The following ZMPSTE24 variants were observed in gnomAD, a reference collection of about 807,000 sequenced individuals.
ZMPSTE24 encodes the protein CAAX prenyl protease 1 homolog.
ZMPSTE24 carries 48 observed loss-of-function variants against 56.7 expected under a neutral mutation model. The observed-to-expected ratio is 0.85, with a 90% CI of 0.67 to 1.08. The LOEUF (loss-of-function observed/expected upper bound fraction) is 1.08, where lower values mean the gene tolerates loss of function less well. ZMPSTE24 is among the 50% of genes least tolerant of loss of function. The probability of loss-of-function intolerance (pLI) is 0.00; values close to 1 mark genes in which losing one functional copy is unlikely to be tolerated. For missense variants in ZMPSTE24, 503 were observed against 548.7 expected (o/e 0.92, Z 0.83); for synonymous variants, 172 against 195.2 (o/e 0.88, Z 0.99).
chr1:40,272,398 G>A (rs1643622556), intron 6 of ZMPSTE24, among the ~76,000 whole-genome samples: 1 of 152,138 alleles, frequency 6.6e-6, no homozygotes, highest in Admixed American at 6.6e-5. Flanking sequence ...AGGTAGTTAA[G>A]TTGGACTCTT....
intron 7 of ZMPSTE24, among the ~76,000 whole-genome samples, chr1:40,284,308 G>A (rs952967456): frequency 6.6e-6 from 1 of 151,516 alleles, no homozygotes; most frequent in African/African-American, 2.4e-5. Flanking sequence ...ACAGCATTTC[G>A]TTACTTTTTC....
chr1:40,284,835 C>A (rs1643768673), intron 7 of ZMPSTE24, among the ~76,000 whole-genome samples: 1 of 151,812 alleles, frequency 6.6e-6, no homozygotes, highest in African/African-American at 2.4e-5. Context: ...TATACACATT[C>A]ACATTGTTTC....
At chr1:40,278,547 G>A (rs1438593453) in intron 6 of ZMPSTE24, among the ~76,000 whole-genome samples, 6 of 65,636 alleles carry the variant, frequency 9.1e-5, no homozygotes, top group African/African-American at 3.8e-4. Flanking sequence ...GACAGAGTGA[G>A]ACTCCGTCTC....
At position 40,258,282 on chromosome 1, in the gene ZMPSTE24, G is replaced by A. The variant is rs1457271487; in HGVS notation, c.11G>A (p.Trp4Ter). The A allele has an allele frequency of 6.2e-7, 1 of 1,613,972 alleles. No homozygotes were observed. The change falls in exon 1 of 10, where the codon TGG becomes TAG. Residue 4 changes from tryptophan to a stop codon, truncating the protein, a stop_gained. Transcript: ENST00000372759. LOFTEE classifies it high-confidence loss of function. MGM[W>*]ASLDALWEMP... ...CGGAACCGGGTGGCCATGGGGATGT[G>A]GGCATCGCTGGACGCTTTGTGGGAG...
intron 6 of ZMPSTE24, among the ~76,000 whole-genome samples, chr1:40,279,112 G>C (rs957176742): frequency 6.6e-6 from 1 of 152,174 alleles, no homozygotes; most frequent in East Asian, 1.9e-4. Context: ...TTGCATTGCA[G>C]CCTAGACGAC....
At chr1:40,267,131 G>A (rs1454002290) in intron 2 of ZMPSTE24, among the ~76,000 whole-genome samples, 1 of 150,780 alleles carries the variant, frequency 6.6e-6, no homozygotes, top group Non-Finnish European at 1.5e-5. Context: ...GTTTTTTTTT[G>A]TTTTGTTTTA....
Position 40,281,610 on chromosome 1 carries a change from G to T in ZMPSTE24, c.954+83G>T. The T allele has an allele frequency of 2.1e-6, 3 of 1,412,652 alleles. No individual in the cohort carries two copies. The South Asian group carries it at 3.7e-5, about 17-fold the overall frequency. 87.5% of individuals were successfully genotyped at this position (1,412,652 alleles called of 1,614,324 possible). Reference sequence around the variant, plus strand: ...AACTCAAAATAACATCAATTTCTAGGCAGTGAGTGTTGAATTCAGGGAGAC... The same window carrying T: ...AACTCAAAATAACATCAATTTCTAGTCAGTGAGTGTTGAATTCAGGGAGAC... On this transcript the variant is annotated intron_variant, in intron 7 of 9. Transcript: ENST00000372759.
Position 40,290,908 on chromosome 1 carries a change from C to T in ZMPSTE24, c.1114C>T (p.Leu372Phe), listed in dbSNP as rs909511412. 6.2e-7 allele frequency: 1 copy of T among 1,613,928 alleles called. No homozygotes were observed. Among genetic ancestry groups the T allele is most frequent in the African/African-American group, 1.3e-5 (1 of 74,976 alleles). ...LFAVLIGRKE[L>F]FAAFGFYDSQ... ...TGCTGTATTAATTGGTCGAAAGGAG[C>T]TTTTTGCTGCATTTGGTTTTTATGA... Residue 372 changes from leucine (L) to phenylalanine (F), a missense_variant, in exon 9 of 10, where the codon CTT becomes TTT. Physicochemically the swap from Leu to Phe is conservative, Grantham distance 22. Coordinates refer to ENST00000372759, the MANE Select transcript of ZMPSTE24 (RefSeq NM_005857.5).
At chr1:40,264,344 AAAAAT>A (rs1229323389) in intron 2 of ZMPSTE24, among the ~76,000 whole-genome samples, 1 of 152,062 alleles carries the variant, frequency 6.6e-6, no homozygotes, top group African/African-American at 2.4e-5. Context: ...AAAAATAAAT[AAAAAT>A]AAAATAAGAA....
At chr1:40,261,081 G>C in intron 2 of ZMPSTE24, 96 bp downstream of exon 2, 1 of 1,470,718 alleles carries the variant, frequency 6.8e-7, no homozygotes, top group Non-Finnish European at 9.5e-7. Flanking sequence ...ACAAGTCCCA[G>C]AATGCTTTCT....
intron 6 of ZMPSTE24, among the ~76,000 whole-genome samples, chr1:40,280,060 A>T (rs943784666): frequency 1.3e-5 from 2 of 152,000 alleles, no homozygotes; most frequent in Non-Finnish European, 2.9e-5. Context: ...GATTTTTTTT[A>T]ATTTTTATTT....
intron 4 of ZMPSTE24, among the ~76,000 whole-genome samples, chr1:40,268,822 AATCCCAGCACTTTGGG>A (rs1265692096): frequency 6.6e-6 from 1 of 152,098 alleles, no homozygotes; most frequent in Non-Finnish European, 1.5e-5. Flanking sequence ...TCATGCCTGT[AATCCCAGCACTTTGGG>A]AGGCTGAGGC....
At chr1:40,280,420 C>CTT (rs869226147) in intron 6 of ZMPSTE24, among the ~76,000 whole-genome samples, 2 of 145,904 alleles carry the variant, frequency 1.4e-5, no homozygotes, top group South Asian at 2.2e-4. Context: ...CTTGAATTTG[C>CTT]TTTTTTTTTT....
chr1:40,263,655 T>G (rs778742171), intron 2 of ZMPSTE24, among the ~76,000 whole-genome samples: 3 of 152,204 alleles, frequency 2.0e-5, no homozygotes, highest in Non-Finnish European at 4.4e-5. Flanking sequence ...TTCATTAATT[T>G]CTATTTTGTG....
chr1:40,292,852 A>G lies in ZMPSTE24; in HGVS notation c.*183A>G, dbSNP rs983632531. 2.6e-5 allele frequency: 14 copies of G among 537,990 alleles called. No individual in the cohort carries two copies. In the African/African-American group the frequency reaches 2.7e-4, roughly 10 times the overall value. The allele number at this position is 537,990 out of a possible 1,614,324, so 33.3% of individuals were successfully genotyped here. A position where few individuals can be genotyped will look rare whatever the true frequency, so the allele number is the denominator to read the frequency against. On this transcript the variant is annotated 3_prime_UTR_variant, in exon 10 of 10. Coordinates refer to ENST00000372759, the MANE Select transcript of ZMPSTE24 (RefSeq NM_005857.5). ...AATAATTCATTTCTTAAAACACTGAATGAATTTTGAAGCTTAATGTTTTTA... is the reference window on the plus strand; with the variant it reads ...AATAATTCATTTCTTAAAACACTGAGTGAATTTTGAAGCTTAATGTTTTTA...
At position 40,275,752 on chromosome 1, in the gene ZMPSTE24, C is replaced by CAAAA. The variant is rs34281343; in HGVS notation, c.769+3736_769+3739dup. 4.4e-3 allele frequency among the ~76,000 whole-genome samples: 271 copies of CAAAA among 62,244 alleles called. 4 individuals carry two copies. Among genetic ancestry groups the CAAAA allele is most frequent in the East Asian group, 0.028 (71 of 2,492 alleles). The allele number at this position is 62,244 out of a possible 152,430, so 40.8% of individuals were successfully genotyped here. A position where few individuals can be genotyped will look rare whatever the true frequency, so the allele number is the denominator to read the frequency against. On this transcript the variant is annotated intron_variant, in intron 6 of 9. Coordinates refer to ENST00000372759, the MANE Select transcript of ZMPSTE24 (RefSeq NM_005857.5). ...GGGCAACAAGAGTGAGACCCTGTCT[C>CAAAA]AAAAAAAAAAAAAAAAAAAAAACAA...
At chr1:40,265,095 CA>C (rs1643536604) in intron 2 of ZMPSTE24, among the ~76,000 whole-genome samples, 1 of 152,032 alleles carries the variant, frequency 6.6e-6, no homozygotes, top group African/African-American at 2.4e-5. Flanking sequence ...AAAAGGTTTG[CA>C]GTATCAGTTT....
At chr1:40,283,913 A>G (rs571535473) in intron 7 of ZMPSTE24, among the ~76,000 whole-genome samples, 122 of 146,230 alleles carry the variant, frequency 8.3e-4, no homozygotes, top group African/African-American at 2.9e-3. Context: ...TCATCTTCCA[A>G]TCCTTTATTG....
At chr1:40,271,804 T>G in intron 5 of ZMPSTE24, 90 bp from the exon 6 acceptor site, 1 of 1,435,904 alleles carries the variant, frequency 7.0e-7, no homozygotes, top group Non-Finnish European at 9.5e-7. Flanking sequence ...GAGGTCAACA[T>G]AGTTGTTTTA....
Sources: gnomAD v4.1 joint callset for allele counts (sites outside exome capture counted in the v4.1 genomes callset) on GRCh38, gnomAD v4.1.1 for gene constraint, MANE v1.5 for transcripts, NCBI Gene and HGNC (gene_info 2026-07-23, HGNC 2026-07-21) for gene names.